SPART: variants seen among roughly 807,000 people sequenced by gnomAD.
The protein encoded by SPART is spastic paraplegia 20 (Troyer syndrome).
In SPART, 35 loss-of-function variants were observed where a neutral mutation model predicts 58.7. That is an observed-to-expected ratio of 0.60 (90% CI 0.46 to 0.79). SPART has a LOEUF of 0.79. Among genes scored for constraint, SPART ranks in the 30% least tolerant of loss-of-function variants. The probability of loss-of-function intolerance (pLI) is 0.00; values close to 1 mark genes in which losing one functional copy is unlikely to be tolerated. For synonymous variants in SPART, 284 were observed against 280.7 expected, an observed-to-expected ratio of 1.01 and a Z score of -0.12; for missense variants, 730 against 786.1, an observed-to-expected ratio of 0.93 and a Z score of 0.85.
At chr13:36,322,096 C>T (rs1029513150) in intron 5 of SPART, among the ~76,000 whole-genome samples, 2 of 152,144 alleles carry the variant, frequency 1.3e-5, no homozygotes, top group Non-Finnish European at 1.5e-5. Context: ...TGCTGATTCT[C>T]TTTTCGGACT....
chr13:36,309,031 T>G (rs1880803589), intron 8 of SPART, among the ~76,000 whole-genome samples: 1 of 152,096 alleles, frequency 6.6e-6, no homozygotes, highest in Non-Finnish European at 1.5e-5. Flanking sequence ...GATCACGAAA[T>G]CAGGTGATCA....
upstream of SPART, among the ~76,000 whole-genome samples, chr13:36,348,422 G>A (rs1885279206): frequency 6.6e-6 from 1 of 152,180 alleles, no homozygotes; most frequent in South Asian, 2.1e-4. Flanking sequence ...TTTAAAACAT[G>A]TAGAATTTCT....
Position 36,303,879 on chromosome 13 carries a change from A to C in SPART, c.*486T>G, listed in dbSNP as rs1880231099. 1 of 159,542 alleles carries C rather than the reference A, an allele frequency of 6.3e-6. No individual in the cohort carries two copies. Among genetic ancestry groups the C allele is most frequent in the African/African-American group, 2.4e-5 (1 of 41,486 alleles). The allele number at this position is 159,542 out of a possible 1,614,324, so 9.9% of individuals were successfully genotyped here. On this transcript the variant is annotated 3_prime_UTR_variant, in exon 9 of 9. Coordinates refer to ENST00000438666, the MANE Select transcript of SPART (RefSeq NM_015087.5). ...CTTAGTTTTAGTTTTTGTTTAGCTT[A>C]CACACTGAAAATTTTGAGAAGCATC...
chr13:36,331,343 G>A, intron 3 of SPART, 56 bp downstream of exon 3: 1 of 1,440,960 alleles, frequency 6.9e-7, no homozygotes. Context: ...TCTAAAAGCT[G>A]AAGTGCTTAT....
chr13:36,365,125 G>A (rs1886007369), intron 1 of SPART, among the ~76,000 whole-genome samples: 1 of 152,186 alleles, frequency 6.6e-6, no homozygotes. Flanking sequence ...GTGTCCTGCT[G>A]CTGCCAGGAC....
Position 36,335,696 on chromosome 13 carries a change from G to A in SPART, c.135C>T (p.Tyr45=). 1 of 1,614,128 alleles carries A rather than the reference G, an allele frequency of 6.2e-7. No homozygotes were observed. The highest frequency in any genetic ancestry group is 1.1e-5 in the South Asian group (1 of 91,086). ...ELGQKEEAKN[Y]YKQGIGHLLR... Reference sequence around the variant, plus strand: ...GCAGGTGTCCTATTCCTTGCTTATAGTAGTTCTTTGCTTCTTCCTTCTGAC... The same window carrying A: ...GCAGGTGTCCTATTCCTTGCTTATAATAGTTCTTTGCTTCTTCCTTCTGAC... The change falls in exon 2 of 9, where the codon TAC becomes TAT. Residue 45 remains tyrosine (Y), a synonymous_variant. Coordinates refer to ENST00000438666, the MANE Select transcript of SPART (RefSeq NM_015087.5).
chr13:36,305,847 A>G (rs952828528), intron 8 of SPART, among the ~76,000 whole-genome samples: 3 of 152,132 alleles, frequency 2.0e-5, no homozygotes, highest in Non-Finnish European at 4.4e-5. Flanking sequence ...AAAAGTTTAC[A>G]TTTTCTCCAG....
chr13:36,328,038 TTATG>T (rs1255107825), intron 4 of SPART, among the ~76,000 whole-genome samples: 1 of 152,166 alleles, frequency 6.6e-6, no homozygotes, highest in Non-Finnish European at 1.5e-5. Flanking sequence ...GGACACATAA[TTATG>T]TGGACAGGAA....
chr13:36,326,145 C>G (rs1882907909), intron 5 of SPART: 1 of 233,022 alleles, frequency 4.3e-6, no homozygotes, highest in South Asian at 5.7e-5. Flanking sequence ...ACCTAATCAC[C>G]TTCCAAAGGC....
intron 1 of SPART, chr13:36,336,298 T>C (rs1246863053): frequency 6.3e-6 from 1 of 157,918 alleles, no homozygotes; most frequent in East Asian, 1.9e-4. Context: ...TGATTTCCAC[T>C]TAAAGGTGGC....
At chr13:36,304,980 G>A (rs1375939693) in intron 8 of SPART, among the ~76,000 whole-genome samples, 1 of 152,090 alleles carries the variant, frequency 6.6e-6, no homozygotes, top group Non-Finnish European at 1.5e-5. Flanking sequence ...AAATATGAGG[G>A]AAAATATTCA....
intron 1 of SPART, among the ~76,000 whole-genome samples, chr13:36,337,568 C>T (rs1001144707): frequency 6.6e-6 from 1 of 152,196 alleles, no homozygotes; most frequent in Non-Finnish European, 1.5e-5. Context: ...GTCTTTGCTT[C>T]CCCTTCATCT....
At chr13:36,326,745 G>A (rs370258773) in intron 4 of SPART, 47 bp from the exon 5 acceptor site, 4 of 1,599,512 alleles carry the variant, frequency 2.5e-6, no homozygotes, top group South Asian at 1.1e-5. Context: ...GTACTAAGAG[G>A]GGGAAAACTG....
chr13:36,365,679 T>C, intron 1 of SPART: 1 of 452,498 alleles, frequency 2.2e-6, no homozygotes, highest in Non-Finnish European at 4.5e-6. Flanking sequence ...AATTTGTATA[T>C]ACTTGTAGAT....
chr13:36,314,240 G>A lies in SPART; in HGVS notation c.1470C>T (p.Val490=), dbSNP rs750472401. The A allele has an allele frequency of 1.2e-6, 2 of 1,614,008 alleles. No homozygotes were observed. The highest frequency in any genetic ancestry group is 1.7e-6 in the Non-Finnish European group (2 of 1,179,968). ...AKQATGGAAK[V]SQFLVDGVCT... is the part of the protein sequence containing the mutation. ...GAATTACTTTACCCAGGAACTGACT[G>A]ACTTTTGCTGCTCCTCCTGTAGCTT... Residue 490 remains valine, a synonymous_variant, in exon 6 of 9, where the codon GTC becomes GTT. Transcript: ENST00000438666.
chr13:36,314,859 G>T (rs1197118582), intron 5 of SPART, among the ~76,000 whole-genome samples: 3 of 152,168 alleles, frequency 2.0e-5, no homozygotes, highest in Non-Finnish European at 1.5e-5. Flanking sequence ...GAGAAAGACA[G>T]AAACATCACA....
chr13:36,328,928 A>G (rs1883198180), intron 4 of SPART, among the ~76,000 whole-genome samples: 1 of 152,162 alleles, frequency 6.6e-6, no homozygotes, highest in Non-Finnish European at 1.5e-5. Context: ...TATGTGCATC[A>G]CTAATGCAAA....
chr13:36,360,274 G>GACA (rs60377824), intron 1 of SPART, among the ~76,000 whole-genome samples: 10 of 137,052 alleles, frequency 7.3e-5, no homozygotes, highest in Admixed American at 7.5e-5. Context: ...CAGCCTGGGT[G>GACA]GAGAAAATTT....
intron 1 of SPART, among the ~76,000 whole-genome samples, chr13:36,364,489 C>G (rs1292464538): frequency 1.3e-5 from 2 of 152,186 alleles, no homozygotes; most frequent in African/African-American, 2.4e-5. Flanking sequence ...GTGCTGGATA[C>G]TGTCCCACAC....
Sources: allele counts gnomAD v4.1 joint callset (sites outside exome capture counted in the v4.1 genomes callset), GRCh38; gene constraint gnomAD v4.1.1; transcripts MANE v1.5; gene names NCBI Gene and HGNC (gene_info 2026-07-23, HGNC 2026-07-21).